SAMD12: variants seen among roughly 807,000 people sequenced by gnomAD.
SAMD12 encodes the protein sterile alpha motif domain containing 12.
Under a neutral mutation model 15.0 loss-of-function variants are expected in SAMD12, and 9 were observed. That is an observed-to-expected ratio of 0.60 (90% CI 0.36 to 1.05). SAMD12 has a LOEUF of 1.05. Among genes scored for constraint, SAMD12 ranks in the 50% least tolerant of loss-of-function variants. The probability of loss-of-function intolerance (pLI) is 0.01; values close to 1 mark genes in which losing one functional copy is unlikely to be tolerated. For synonymous variants in SAMD12, 86 were observed against 90.1 expected, an observed-to-expected ratio of 0.96 and a Z score of 0.25; for missense variants, 230 against 234.2, an observed-to-expected ratio of 0.98 and a Z score of 0.12.
chr8:118,370,380 TCCTCA>T, intron 4 of SAMD12, among the ~76,000 whole-genome samples: 1 of 152,296 alleles, frequency 6.6e-6, no homozygotes, highest in South Asian at 2.1e-4. Context: ...ATGTGGTGAT[TCCTCA>T]AAGACCTGGA....
chr8:118,428,179 T>C (rs1489941180), intron 3 of SAMD12, among the ~76,000 whole-genome samples: 3 of 152,316 alleles, frequency 2.0e-5, no homozygotes, highest in African/African-American at 4.8e-5. Flanking sequence ...TTTTTAGATA[T>C]ATAATAAAAG....
At chr8:118,235,030 C>A (rs1016672556) in intron 4 of SAMD12, among the ~76,000 whole-genome samples, 1 of 152,044 alleles carries the variant, frequency 6.6e-6, no homozygotes, top group Admixed American at 6.6e-5. Context: ...TTTTTATCCA[C>A]TTCTTGGTAA....
Position 118,255,960 on chromosome 8 carries a change from CA to C in SAMD12, c.434-58229del, listed in dbSNP as rs1322425262. On this transcript the variant is annotated intron_variant, in intron 4 of 4. Transcript: ENST00000409003. Reference sequence around the variant, plus strand: ...CTTCCACAATGGTTGAACTAGTTTACAGTCCCACCAACAGTGTAAAAGTGTT... The same window carrying C: ...CTTCCACAATGGTTGAACTAGTTTACGTCCCACCAACAGTGTAAAAGTGTT... Among the ~76,000 whole-genome samples the C allele has an allele frequency of 3.3e-5, 5 of 152,248 alleles. No individual in the cohort carries two copies. The South Asian group carries it at 8.3e-4, about 25-fold the overall frequency.
chr8:118,211,125 G>A (rs1037387152), intron 4 of SAMD12, among the ~76,000 whole-genome samples: 10 of 152,158 alleles, frequency 6.6e-5, no homozygotes, highest in African/African-American at 2.4e-4. Context: ...TCTCCTTGCT[G>A]TTTACAGATA....
intron 4 of SAMD12, among the ~76,000 whole-genome samples, chr8:118,230,060 G>A (rs1812274304): frequency 6.6e-6 from 1 of 152,074 alleles, no homozygotes; most frequent in Non-Finnish European, 1.5e-5. Flanking sequence ...TGTGATGGTT[G>A]CCTTGACATC....
intron 2 of SAMD12, among the ~76,000 whole-genome samples, chr8:118,454,689 T>C (rs1823193542): frequency 6.6e-6 from 1 of 152,216 alleles, no homozygotes; most frequent in Non-Finnish European, 1.5e-5. Context: ...AGTTCAGTAG[T>C]ATTAAGTACA....
intron 4 of SAMD12, among the ~76,000 whole-genome samples, chr8:118,223,475 T>C (rs1010058968): frequency 1.3e-5 from 2 of 152,176 alleles, no homozygotes; most frequent in African/African-American, 2.4e-5. Flanking sequence ...TGTAGGAGTA[T>C]GGTGGATAGA....
intron 2 of SAMD12, among the ~76,000 whole-genome samples, chr8:118,497,991 G>A (rs142420087): frequency 2.0e-5 from 3 of 152,046 alleles, no homozygotes; most frequent in Non-Finnish European, 2.9e-5. Context: ...TGAAAGAAAG[G>A]AAGAAAGTCA....
At chr8:118,454,253 A>T (rs1452742919) in intron 2 of SAMD12, among the ~76,000 whole-genome samples, 1 of 152,180 alleles carries the variant, frequency 6.6e-6, no homozygotes, top group South Asian at 2.1e-4. Flanking sequence ...ACAATCCCTC[A>T]CAATTTTGAA....
At chr8:118,377,944 A>G (rs1819469973), downstream of SAMD12, 1 of 152,204 alleles carries the variant, frequency 6.6e-6, no homozygotes, top group African/African-American at 2.4e-5. Flanking sequence ...TTTGCAGAAG[A>G]TTTGGAAAAT....
intron 2 of SAMD12, among the ~76,000 whole-genome samples, chr8:118,514,015 T>G (rs1825159188): frequency 6.6e-6 from 1 of 152,234 alleles, no homozygotes; most frequent in Non-Finnish European, 1.5e-5. Context: ...AGCGAAATTT[T>G]TATTATTAAA....
chr8:118,588,007 A>C (rs1018813163), intron 1 of SAMD12, among the ~76,000 whole-genome samples: 1 of 152,238 alleles, frequency 6.6e-6, no homozygotes, highest in African/African-American at 2.4e-5. Context: ...TATAGTATGA[A>C]TAACAGATAT....
intron 4 of SAMD12, among the ~76,000 whole-genome samples, chr8:118,357,681 A>G (rs958993820): frequency 1.3e-5 from 2 of 152,188 alleles, no homozygotes; most frequent in African/African-American, 4.8e-5. Flanking sequence ...AAAAATAAAG[A>G]AACTGAAAAA....
At chr8:118,213,394 A>T (rs2129828093) in intron 4 of SAMD12, among the ~76,000 whole-genome samples, 1 of 152,316 alleles carries the variant, frequency 6.6e-6, no homozygotes, top group East Asian at 1.9e-4. Context: ...CGCAACATGG[A>T]CAGGCCCACA....
At chr8:118,429,489 C>A (rs1383254775) in intron 3 of SAMD12, among the ~76,000 whole-genome samples, 1 of 152,152 alleles carries the variant, frequency 6.6e-6, no homozygotes, top group Non-Finnish European at 1.5e-5. Context: ...TTTATATAAA[C>A]CATTTGATCT....
intron 2 of SAMD12, among the ~76,000 whole-genome samples, chr8:118,552,420 C>G (rs1189203119): frequency 6.6e-6 from 1 of 152,108 alleles, no homozygotes; most frequent in Non-Finnish European, 1.5e-5. Flanking sequence ...GAACCAAAGA[C>G]AAAAACCACA....
At chr8:118,510,867 G>C (rs1825061894) in intron 2 of SAMD12, among the ~76,000 whole-genome samples, 1 of 152,190 alleles carries the variant, frequency 6.6e-6, no homozygotes, top group Non-Finnish European at 1.5e-5. Context: ...TAGCGAGAAT[G>C]CATTTCCTCC....
At chr8:118,281,365 T>G (rs1484177481) in intron 4 of SAMD12, among the ~76,000 whole-genome samples, 1 of 152,212 alleles carries the variant, frequency 6.6e-6, no homozygotes, top group African/African-American at 2.4e-5. Context: ...CTTTTCCGTG[T>G]GCAGTGGCTC....
intron 3 of SAMD12, among the ~76,000 whole-genome samples, chr8:118,431,515 A>AT (rs561399658): frequency 2.4e-4 from 36 of 151,694 alleles, no homozygotes; most frequent in Non-Finnish European, 3.4e-4. Flanking sequence ...TGGATATAGA[A>AT]TTGGTCATTT....
Sources: allele counts gnomAD v4.1 joint callset (sites outside exome capture counted in the v4.1 genomes callset), GRCh38; gene constraint gnomAD v4.1.1; transcripts MANE v1.5; gene names NCBI Gene and HGNC (gene_info 2026-07-23, HGNC 2026-07-21).